CACNA1H: variants seen among roughly 807,000 people sequenced by gnomAD.
The protein encoded by CACNA1H is voltage-dependent T-type calcium channel subunit alpha-1H.
CACNA1H carries 149 observed loss-of-function variants against 192.5 expected under a neutral mutation model. That is an observed-to-expected ratio of 0.77 (90% CI 0.68 to 0.89). The LOEUF is 0.89. Ranked by LOEUF, CACNA1H falls within the 40% of genes least tolerant of loss-of-function variation. The pLI is 0.00. For missense variants in CACNA1H, 4,257 were observed against 3,423.5 expected, an observed-to-expected ratio of 1.24 and a Z score of -6.08; for synonymous variants, 2,202 against 1,475.2, an observed-to-expected ratio of 1.49 and a Z score of -11.29.
intron 2 of CACNA1H, among the ~76,000 whole-genome samples, chr16:1,171,101 T>G (rs1964322923): frequency 6.6e-6 from 1 of 152,154 alleles, no homozygotes; most frequent in Non-Finnish European, 1.5e-5. Context: ...CAGGCCTTTG[T>G]CCCTGCTGAG....
chr16:1,176,664 C>G (rs1457847207), intron 2 of CACNA1H, among the ~76,000 whole-genome samples: 1 of 152,194 alleles, frequency 6.6e-6, no homozygotes, highest in African/African-American at 2.4e-5. Context: ...TAGCAGTGAG[C>G]AGGGGGCTGA....
intron 30 of CACNA1H, 134 bp downstream of exon 30, chr16:1,215,727 G>A (rs983200905): frequency 1.1e-5 from 8 of 726,552 alleles, no homozygotes; most frequent in Non-Finnish European, 1.9e-5. Context: ...CTGCGTCCCT[G>A]CTGTGTGCAG....
In CACNA1H at chr16:1,201,890, C is replaced by T. The variant is rs760997276; in HGVS notation, c.1440C>T (p.Ala480=). ...KVKRRSLRLY[A]RWQSRWRKKV... is the part of the protein sequence containing the mutation. Reference sequence around the variant, plus strand: ...AGCGGCGCAGCTTGCGCCTCTACGCCCGCTGGCAGAGCCGCTGGCGCAAGA... The same window carrying T: ...AGCGGCGCAGCTTGCGCCTCTACGCTCGCTGGCAGAGCCGCTGGCGCAAGA... The change falls in exon 9 of 35, where the codon GCC becomes GCT. Residue 480 remains alanine, a synonymous_variant. Coordinates refer to ENST00000348261, the MANE Select transcript of CACNA1H (RefSeq NM_021098.3). 1.9e-6 allele frequency: 3 copies of T among 1,551,718 alleles called. No individual in the cohort carries two copies. The highest frequency in any genetic ancestry group is 1.7e-4 in the Middle Eastern group (1 of 5,888).
chr16:1,172,960 TC>T (rs1402619010), intron 2 of CACNA1H, among the ~76,000 whole-genome samples: 2 of 140,720 alleles, frequency 1.4e-5, no homozygotes, highest in Non-Finnish European at 3.1e-5. Flanking sequence ...GGACACCAGG[TC>T]CCTGCAGGTG....
intron 2 of CACNA1H, among the ~76,000 whole-genome samples, chr16:1,162,235 A>G (rs1369355208): frequency 6.6e-6 from 1 of 152,042 alleles, no homozygotes. Context: ...TTGCTGTCTG[A>G]GGCCCCTACC....
intron 17 of CACNA1H, 185 bp downstream of exon 17, chr16:1,209,597 A>G: frequency 1.4e-6 from 1 of 713,226 alleles, no homozygotes. Flanking sequence ...AGATGATCCC[A>G]GAGTCCCCCC....
rs1360160316 is a variant in CACNA1H at position 1,213,886 on chromosome 16, T to C, written c.4884T>C (p.Cys1628=). ...ACCTCTTCATCACCTTCATCATCTG[T>C]GTCAACGTCATCACCATGTCCATGG... ...YLDLFITFII[C]VNVITMSMEH... The change falls in exon 27 of 35, where the codon TGT becomes TGC. Residue 1628 remains cysteine, a synonymous_variant. Transcript: ENST00000348261. The C allele has an allele frequency of 9.9e-6, 16 of 1,611,836 alleles. No homozygotes were observed. Among genetic ancestry groups the C allele is most frequent in the African/African-American group, 2.7e-5 (2 of 74,906 alleles).
chr16:1,219,917 G>A (rs1970347559), intron 34 of CACNA1H, 64 bp from the exon 35 acceptor site: 2 of 1,216,602 alleles, frequency 1.6e-6, no homozygotes, highest in Non-Finnish European at 2.1e-6. Flanking sequence ...GGGTCTCCGA[G>A]CCCTGGCCAC....
chr16:1,215,057 G>T lies in CACNA1H; in HGVS notation c.5015G>T (p.Gly1672Val). The change falls in exon 28 of 35, where the codon GGG (glycine) becomes GTG (valine). Residue 1672 changes from glycine (G) to valine (V), a missense_variant. Physicochemically the swap from Gly to Val is moderately radical, Grantham distance 109. Transcript: ENST00000348261. ...FEAALKLVAF[G>V]FRRFFKDRWN... ...GCTGCACTGAAGCTGGTAGCATTTG[G>T]GTTCCGTCGGTTCTTCAAGGACAGG... is the stretch of plus-strand genomic sequence containing the variant. The T allele has an allele frequency of 1.2e-6, 2 of 1,612,594 alleles. No homozygotes were observed. The highest frequency in any genetic ancestry group is 1.7e-6 in the Non-Finnish European group (2 of 1,179,362).
At chr16:1,182,688 CAG>C (rs1305585457) in intron 2 of CACNA1H, among the ~76,000 whole-genome samples, 1 of 152,148 alleles carries the variant, frequency 6.6e-6, no homozygotes, top group Admixed American at 6.5e-5. Flanking sequence ...CATTGAGACT[CAG>C]AGCAGACTGG....
chr16:1,203,757 TTTC>T (rs970122619), intron 9 of CACNA1H, among the ~76,000 whole-genome samples: 25 of 152,200 alleles, frequency 1.6e-4, no homozygotes, highest in Admixed American at 1.1e-3. Context: ...GGCTCTTTGG[TTTC>T]TTCTTATTGG....
In CACNA1H at chr16:1,211,201, G is replaced by A. The variant is rs867879303; in HGVS notation, c.4257G>A (p.Val1419=). Residue 1419 remains valine (V), a synonymous_variant, in exon 22 of 35, where the codon GTG becomes GTA. Coordinates refer to ENST00000348261, the MANE Select transcript of CACNA1H (RefSeq NM_021098.3). ...VISRAPGLKL[V]VETLISSLRP... is the part of the protein sequence containing the mutation. ...GCCGGGCCCCGGGCCTCAAGCTGGT[G>A]GTGGAGACGCTGATATCATCACTCA... is the stretch of plus-strand genomic sequence containing the variant. 1 of 1,612,974 alleles carries A rather than the reference G, an allele frequency of 6.2e-7. No individual in the cohort carries two copies. The highest frequency in any genetic ancestry group is 1.1e-5 in the South Asian group (1 of 91,082).
intron 2 of CACNA1H, among the ~76,000 whole-genome samples, chr16:1,157,439 G>A (rs1192815939): frequency 6.6e-6 from 1 of 152,182 alleles, no homozygotes; most frequent in Non-Finnish European, 1.5e-5. Flanking sequence ...GCCTGGGTGG[G>A]GACGAGCTGC....
rs1489099879 is a variant in CACNA1H, at chr16:1,207,764, G to A, written c.3064-6G>A. ...TCATGCCTGCCTTGTGCTTTGTTGGGTTTAGGGCGATGCCAACAGATCCGA... is the reference window on the plus strand; with the variant it reads ...TCATGCCTGCCTTGTGCTTTGTTGGATTTAGGGCGATGCCAACAGATCCGA... On this transcript the variant is annotated splice_region_variant and splice_polypyrimidine_tract_variant and intron_variant, in intron 14 of 34. Coordinates refer to ENST00000348261, the MANE Select transcript of CACNA1H (RefSeq NM_021098.3). 6.9e-6 allele frequency: 11 copies of A among 1,590,204 alleles called. No homozygotes were observed. In the East Asian group the frequency reaches 2.3e-4, roughly 33 times the overall value.
At chr16:1,193,652 GCGC>G (rs1413893351) in intron 2 of CACNA1H, among the ~76,000 whole-genome samples, 6 of 152,238 alleles carry the variant, frequency 3.9e-5, no homozygotes, top group Non-Finnish European at 7.3e-5. Context: ...TACAGCAGAG[GCGC>G]CTGTTACCGC....
At chr16:1,200,216 C>T (rs370704991) in intron 6 of CACNA1H, 40 bp from the exon 7 acceptor site, 10 of 1,529,278 alleles carry the variant, frequency 6.5e-6, no homozygotes, top group African/African-American at 1.4e-5. Context: ...CGTCCCTGAC[C>T]CTGATTGTAC....
chr16:1,200,939 G>T (rs1368150103), intron 8 of CACNA1H, 131 bp downstream of exon 8: 1 of 666,204 alleles, frequency 1.5e-6, no homozygotes, highest in Non-Finnish European at 2.6e-6. Flanking sequence ...GGGGAGGGAG[G>T]CAGAGCTTGC....
chr16:1,163,626 A>T (rs1963451385), intron 2 of CACNA1H, among the ~76,000 whole-genome samples: 1 of 152,236 alleles, frequency 6.6e-6, no homozygotes, highest in African/African-American at 2.4e-5. Flanking sequence ...TGGTCTGATG[A>T]GTCAGCCTGC....
At chr16:1,203,272 C>T (rs912739934) in intron 9 of CACNA1H, among the ~76,000 whole-genome samples, 3 of 152,172 alleles carry the variant, frequency 2.0e-5, no homozygotes, top group African/African-American at 7.2e-5. Context: ...CACAGGACGG[C>T]TCGATGGTCA....
Sources: allele counts gnomAD v4.1 joint callset (sites outside exome capture counted in the v4.1 genomes callset), GRCh38; gene constraint gnomAD v4.1.1; transcripts MANE v1.5; gene names NCBI Gene and HGNC (gene_info 2026-07-23, HGNC 2026-07-21).